The following APBA1 variants were observed in gnomAD, a reference collection of about 807,000 sequenced individuals.
APBA1 encodes the protein amyloid beta precursor protein binding family A member 1, also known as amyloid-beta A4 precursor protein-binding family A member 1.
APBA1 carries 55 observed loss-of-function variants against 86.6 expected under a neutral mutation model. That is an observed-to-expected ratio of 0.64 (90% CI 0.51 to 0.80). The LOEUF (loss-of-function observed/expected upper bound fraction) is 0.80, where lower values mean the gene tolerates loss of function less well. APBA1 is among the 30% of genes least tolerant of loss of function. The pLI, the probability that APBA1 is intolerant of heterozygous loss-of-function variation, is 0.00. For missense variants in APBA1, 1,090 were observed against 1,183.0 expected, an observed-to-expected ratio of 0.92 and a Z score of 1.15; for synonymous variants, 511 against 493.9, an observed-to-expected ratio of 1.03 and a Z score of -0.46.
intron 1 of APBA1, among the ~76,000 whole-genome samples, chr9:69,654,921 T>C (rs1183827956): frequency 2.6e-5 from 4 of 152,218 alleles, no homozygotes; most frequent in Admixed American, 2.6e-4. Flanking sequence ...TCAATTAACA[T>C]GATACGTCAC....
At chr9:69,443,122 T>G (rs1834852569) in intron 10 of APBA1, among the ~76,000 whole-genome samples, 1 of 152,134 alleles carries the variant, frequency 6.6e-6, no homozygotes, top group South Asian at 2.1e-4. Flanking sequence ...CAATGGCTCT[T>G]AAACCCCACA....
chr9:69,569,104 G>A (rs572666873), intron 1 of APBA1, among the ~76,000 whole-genome samples: 65 of 152,258 alleles, frequency 4.3e-4, no homozygotes, highest in African/African-American at 1.5e-3. Flanking sequence ...ACAGGCATCC[G>A]CTAGGGTTTC....
chr9:69,670,429 G>T lies in APBA1; in HGVS notation c.-70+1724C>A, dbSNP rs532812284. On this transcript the variant is annotated intron_variant, in intron 1 of 12. Coordinates refer to ENST00000265381, the MANE Select transcript of APBA1 (RefSeq NM_001163.4). ...CGAAGAGAACCGGGCAGCCAGTTTG[G>T]ATTCCGACAATGCAGTAGAATTTAA... Among the ~76,000 whole-genome samples the T allele has an allele frequency of 2.0e-5, 3 of 152,328 alleles. No homozygotes were observed. The East Asian group carries it at 5.8e-4, about 29-fold the overall frequency.
chr9:69,629,958 T>C (rs1357223074), intron 1 of APBA1, among the ~76,000 whole-genome samples: 1 of 151,828 alleles, frequency 6.6e-6, no homozygotes, highest in African/African-American at 2.4e-5. Context: ...AGATATAGAT[T>C]CCCAACATCA....
At chr9:69,435,364 C>T (rs536492698) in intron 11 of APBA1, among the ~76,000 whole-genome samples, 8,255 of 151,288 alleles carry the variant, frequency 0.055, 764 homozygotes, top group African/African-American at 0.19. Flanking sequence ...CCTGAGGAAT[C>T]GCCACACTGA....
chr9:69,552,822 T>C (rs1232822362), intron 1 of APBA1, among the ~76,000 whole-genome samples: 1 of 152,060 alleles, frequency 6.6e-6, no homozygotes, highest in Non-Finnish European at 1.5e-5. Flanking sequence ...ATGTAAACCC[T>C]AGAGAGACTG....
chr9:69,503,286 G>T (rs1365580607), intron 2 of APBA1, among the ~76,000 whole-genome samples: 3 of 152,032 alleles, frequency 2.0e-5, no homozygotes, highest in Non-Finnish European at 4.4e-5. Context: ...AAAGTCAAAC[G>T]ATATCATGCA....
At chr9:69,634,181 T>C (rs1459744021) in intron 1 of APBA1, among the ~76,000 whole-genome samples, 1 of 152,116 alleles carries the variant, frequency 6.6e-6, no homozygotes, top group African/African-American at 2.4e-5. Context: ...CCCTCCTCCA[T>C]CCCCTGGCAA....
Position 69,467,900 on chromosome 9 carries a change from T to C in APBA1, c.1405A>G (p.Thr469Ala). The C allele has an allele frequency of 6.2e-7, 1 of 1,614,084 alleles. No individual in the cohort carries two copies. Residue 469 changes from threonine (T) to alanine (A), a missense_variant, in exon 5 of 13, where the codon ACT becomes GCT. Around this residue, in one of 6 missense-constraint regions of APBA1, gnomAD observed 76 missense variants for 122.2 expected, o/e 0.62. Transcript: ENST00000265381. The part of the protein sequence containing the change: ...IIFAANYLGS[T>A]QLLSDKTPSK... ...GGAGTTTTGTCTGAGAGCAGCTGAG[T>C]GGAGCCAAGGTAATTGGCGGCAAAA...
At chr9:69,457,165 A>G (rs1835113630) in intron 6 of APBA1, 26 bp from the exon 7 acceptor site, 3 of 1,593,840 alleles carry the variant, frequency 1.9e-6, no homozygotes, top group Non-Finnish European at 2.6e-6. Flanking sequence ...GCACCAAGAG[A>G]AAGTTTGACC....
intron 1 of APBA1, among the ~76,000 whole-genome samples, chr9:69,631,205 A>G (rs955759796): frequency 2.0e-5 from 3 of 152,234 alleles, no homozygotes; most frequent in African/African-American, 7.2e-5. Context: ...AAACAAATTT[A>G]CAAGAAAAAA....
rs546555894 is a variant in APBA1, at chr9:69,629,788, G to A, written c.-70+42365C>T. 3.9e-5 allele frequency among the ~76,000 whole-genome samples: 6 copies of A among 152,292 alleles called. No individual in the cohort carries two copies. In the South Asian group the frequency reaches 1.2e-3, roughly 32 times the overall value. On this transcript the variant is annotated intron_variant, in intron 1 of 12. Transcript: ENST00000265381. ...ATCAGGGTCCCTGCTTTCCCTGCTC[G>A]CATTCTGTTTAGGGGACAAATAATT... is the stretch of plus-strand genomic sequence containing the variant.
chr9:69,461,340 C>A (rs1025753091), intron 5 of APBA1: 1 of 152,056 alleles, frequency 6.6e-6, no homozygotes, highest in Non-Finnish European at 1.5e-5. Context: ...TGCAGCACCC[C>A]CCACCCCCTT....
chr9:69,442,398 C>CTATA (rs1285580546), intron 10 of APBA1, among the ~76,000 whole-genome samples: 1 of 151,950 alleles, frequency 6.6e-6, no homozygotes, highest in African/African-American at 2.4e-5. Flanking sequence ...GGACTCCCAT[C>CTATA]TATAAGGCCA....
intron 2 of APBA1, among the ~76,000 whole-genome samples, chr9:69,487,081 G>A (rs888774377): frequency 2.6e-5 from 4 of 151,950 alleles, no homozygotes; most frequent in African/African-American, 7.3e-5. Flanking sequence ...CAAAGCTGGA[G>A]GTAAAGGCTT....
intron 1 of APBA1, among the ~76,000 whole-genome samples, chr9:69,552,045 G>A (rs1482423735): frequency 6.6e-6 from 1 of 152,196 alleles, no homozygotes; most frequent in East Asian, 1.9e-4. Flanking sequence ...GTTCACTATG[G>A]ACAGAAACTT....
At chr9:69,455,722 AT>A (rs752594100) in intron 8 of APBA1, among the ~76,000 whole-genome samples, 13 of 152,236 alleles carry the variant, frequency 8.5e-5, no homozygotes, top group Middle Eastern at 3.4e-3. Context: ...AAATGCCCTC[AT>A]GCTTGGACAG....
chr9:69,634,360 G>A (rs1823112662), intron 1 of APBA1, among the ~76,000 whole-genome samples: 1 of 152,172 alleles, frequency 6.6e-6, no homozygotes, highest in Non-Finnish European at 1.5e-5. Flanking sequence ...AGCCAGAGGG[G>A]AATTGCCCAT....
chr9:69,658,147 CAACCT>C (rs1564104655), intron 1 of APBA1, among the ~76,000 whole-genome samples: 1 of 152,182 alleles, frequency 6.6e-6, no homozygotes, highest in Non-Finnish European at 1.5e-5. Context: ...CCCAGTGGAA[CAACCT>C]AATAGCTCCC....
Sources: allele counts gnomAD v4.1 joint callset (sites outside exome capture counted in the v4.1 genomes callset), GRCh38; gene constraint gnomAD v4.1.1; regional missense constraint gnomAD v4.1.1; transcripts MANE v1.5; gene names NCBI Gene and HGNC (gene_info 2026-07-23, HGNC 2026-07-21).